Variants in IST1 observed in about 807,000 individuals in gnomAD.
The protein encoded by IST1 is IST1 homolog.
IST1 carries 23 observed loss-of-function variants against 37.0 expected under a neutral mutation model. The ratio of observed to expected loss-of-function variants is 0.62; its 90% CI spans 0.45 to 0.88. The LOEUF (loss-of-function observed/expected upper bound fraction) is 0.88, where lower values mean the gene tolerates loss of function less well. Among genes scored for constraint, IST1 ranks in the 40% least tolerant of loss-of-function variants. The probability of loss-of-function intolerance (pLI) is 0.00; values close to 1 mark genes in which losing one functional copy is unlikely to be tolerated. For missense variants in IST1, 488 were observed against 445.4 expected (o/e 1.10, Z -0.86); for synonymous variants, 180 against 161.7 (o/e 1.11, Z -0.86).
At chr16:71,926,155 G>T (rs540846042) in intron 9 of IST1, among the ~76,000 whole-genome samples, 15 of 151,408 alleles carry the variant, frequency 9.9e-5, no homozygotes, top group African/African-American at 3.6e-4. Flanking sequence ...GGTGGCAGGC[G>T]CCTGTAATCC....
In IST1 at chr16:71,920,017, T is replaced by C. The variant is rs1042101348; in HGVS notation, c.358-722T>C. Among the ~76,000 whole-genome samples the C allele has an allele frequency of 3.7e-4, 57 of 152,236 alleles. 1 individual carries two copies. Among genetic ancestry groups the C allele is most frequent in the Admixed American group, 3.7e-3 (57 of 15,286 alleles). ...AAAGGGGGTAAAAATATTTATATCC[T>C]ACACATCTGGACCCTACTGCTGTGT... is the stretch of plus-strand genomic sequence containing the variant. On this transcript the variant is annotated intron_variant, in intron 4 of 9. Transcript: ENST00000378799.
chr16:71,906,279 A>C (rs2037222028), intron 1 of IST1, among the ~76,000 whole-genome samples: 1 of 150,624 alleles, frequency 6.6e-6, no homozygotes, highest in Admixed American at 6.6e-5. Flanking sequence ...CTGGGATTAG[A>C]GGTGCGAGCC....
At chr16:71,925,316 ATTTTT>A (rs772300347) in intron 9 of IST1, among the ~76,000 whole-genome samples, 4 of 78,810 alleles carry the variant, frequency 5.1e-5, no homozygotes, top group African/African-American at 9.4e-5. Flanking sequence ...CCCCCAGCTG[ATTTTT>A]TTTTTTTTTT....
At chr16:71,917,842 C>T (rs1331114157) in intron 4 of IST1, among the ~76,000 whole-genome samples, 1 of 151,806 alleles carries the variant, frequency 6.6e-6, no homozygotes, top group Non-Finnish European at 1.5e-5. Flanking sequence ...TTTTCTAAGT[C>T]TCTGAGGATA....
rs1349890701 is a variant in IST1 at position 71,915,715 on chromosome 16, G to A, written c.75G>A (p.Leu25=). The A allele has an allele frequency of 6.2e-7, 1 of 1,609,026 alleles. No homozygotes were observed. Among genetic ancestry groups the A allele is most frequent in the Non-Finnish European group, 8.5e-7 (1 of 1,176,736 alleles). ...LRLVINRLKL[L]EKKKTELAQK... is the part of the protein sequence containing the mutation. ...TAGTCATAAATCGCCTTAAACTATT[G>A]GAGAAAAAGAAAAGTGAGTAGTGTA... is the stretch of plus-strand genomic sequence containing the variant. The change falls in exon 2 of 10, where the codon TTG becomes TTA. Residue 25 remains leucine, a synonymous_variant. Transcript: ENST00000378799.
upstream of IST1, chr16:71,895,363 C>T (rs2036940733): frequency 4.9e-6 from 1 of 202,048 alleles, no homozygotes; most frequent in Non-Finnish European, 8.8e-6. Context: ...GGGAAGTAGT[C>T]CCCGGCCGCG....
chr16:71,905,742 C>A (rs2037209537), intron 1 of IST1, among the ~76,000 whole-genome samples: 1 of 152,160 alleles, frequency 6.6e-6, no homozygotes, highest in Admixed American at 6.6e-5. Flanking sequence ...GTATGAAAAC[C>A]TTACTATTCT....
intron 4 of IST1, among the ~76,000 whole-genome samples, chr16:71,920,086 A>G (rs2037546561): frequency 6.6e-6 from 1 of 152,152 alleles, no homozygotes; most frequent in Non-Finnish European, 1.5e-5. Context: ...TCTGGGCTAC[A>G]CCCGTTTGGC....
chr16:71,923,997 T>A, intron 8 of IST1: 2 of 393,198 alleles, frequency 5.1e-6, no homozygotes, highest in Admixed American at 6.4e-5. Context: ...GAGAAACAAA[T>A]TGGTGTGGCA....
rs917948177 is a variant in IST1 at position 71,929,656 on chromosome 16, G to A, written c.*1843G>A. On this transcript the variant is annotated 3_prime_UTR_variant, in exon 10 of 10. Transcript: ENST00000378799. The stretch of plus-strand genomic sequence containing the variant: ...CAAATTTGAGAGCTTCTGTAGCAGT[G>A]TATCTATTAGTGCAGCTTCTTTCTG... 1 of 1,550,180 alleles carries A rather than the reference G, an allele frequency of 6.5e-7. No individual in the cohort carries two copies. Among genetic ancestry groups the A allele is most frequent in the Non-Finnish European group, 8.7e-7 (1 of 1,146,392 alleles).
chr16:71,922,488 T>G lies in IST1; in HGVS notation c.567T>G (p.Pro189=). The part of the protein sequence containing the change: ...PDSVVMAEAP[P]GVETDLIDVG... ...TTTTTTCTCAGGCAGAAGCTCCTCCTGGGGTAGAGACAGATCTTATTGATG... is the reference window on the plus strand; with the variant it reads ...TTTTTTCTCAGGCAGAAGCTCCTCCGGGGGTAGAGACAGATCTTATTGATG... The change falls in exon 7 of 10, where the codon CCT becomes CCG. Residue 189 remains proline, a synonymous_variant. Coordinates refer to ENST00000378799, the MANE Select transcript of IST1 (RefSeq NM_001270975.2). The G allele has an allele frequency of 6.2e-7, 1 of 1,614,134 alleles. No homozygotes were observed. The highest frequency in any genetic ancestry group is 8.5e-7 in the Non-Finnish European group (1 of 1,179,984).
rs1296698746 is a variant in IST1, at chr16:71,927,969, G to A, written c.*156G>A. The A allele has an allele frequency of 6.5e-6, 4 of 620,052 alleles. No individual in the cohort carries two copies. In the African/African-American group the frequency reaches 7.4e-5, roughly 11 times the overall value. The allele number at this position is 620,052 out of a possible 1,614,324, so 38.4% of individuals were successfully genotyped here. A position where few individuals can be genotyped will look rare whatever the true frequency, so the allele number is the denominator to read the frequency against. ...TCTTCCTGCTCCTCCAGATTCTGCT[G>A]CTTTCCAGTTCTCTGTTGATCCTGA... On this transcript the variant is annotated 3_prime_UTR_variant, in exon 10 of 10. Coordinates refer to ENST00000378799, the MANE Select transcript of IST1 (RefSeq NM_001270975.2).
chr16:71,918,097 G>T (rs2037504478), intron 4 of IST1, among the ~76,000 whole-genome samples: 1 of 152,168 alleles, frequency 6.6e-6, no homozygotes. Context: ...ATTCCAGACT[G>T]TGAGGAACTA....
intron 8 of IST1, 54 bp downstream of exon 8, chr16:71,923,434 C>A: frequency 1.8e-6 from 2 of 1,140,604 alleles, no homozygotes; most frequent in South Asian, 1.3e-5. Flanking sequence ...CCATGAAGAG[C>A]GAGCAAAATA....
chr16:71,921,199 T>C (rs1304128851), intron 5 of IST1, 144 bp from the exon 6 acceptor site: 2 of 627,530 alleles, frequency 3.2e-6, no homozygotes, highest in Non-Finnish European at 5.7e-6. Context: ...GTCTTGTGAC[T>C]CTGAAAAAAA....
At chr16:71,924,981 T>G (rs2037704091) in intron 9 of IST1, among the ~76,000 whole-genome samples, 164 bp downstream of exon 9, 1 of 151,930 alleles carries the variant, frequency 6.6e-6, no homozygotes, top group Non-Finnish European at 1.5e-5. Flanking sequence ...ATCCTGCTTC[T>G]AAGTACAAAT....
chr16:71,900,777 T>TA (rs750117967), intron 1 of IST1, among the ~76,000 whole-genome samples: 6 of 152,204 alleles, frequency 3.9e-5, no homozygotes, highest in Non-Finnish European at 2.9e-5. Context: ...TAGTTGTTTT[T>TA]ATGTCAGCTA....
At chr16:71,922,345 C>G (rs2037612669) in intron 6 of IST1, 129 bp from the exon 7 acceptor site, 1 of 757,544 alleles carries the variant, frequency 1.3e-6, no homozygotes, top group Non-Finnish European at 2.3e-6. Context: ...CTTTTCTTCC[C>G]CCACAGGTGT....
intron 1 of IST1, among the ~76,000 whole-genome samples, chr16:71,914,458 CA>C (rs2037427185): frequency 6.6e-6 from 1 of 152,192 alleles, no homozygotes; most frequent in South Asian, 2.1e-4. Flanking sequence ...CCGCACCCAG[CA>C]AGGAGTGTAC....
Sources: gnomAD v4.1 joint callset for allele counts (sites outside exome capture counted in the v4.1 genomes callset) on GRCh38, gnomAD v4.1.1 for gene constraint, MANE v1.5 for transcripts, NCBI Gene and HGNC (gene_info 2026-07-23, HGNC 2026-07-21) for gene names.